The following SATB1 variants were observed in gnomAD, a reference collection of about 807,000 sequenced individuals.
The protein encoded by SATB1 is DNA-binding protein SATB1.
SATB1 carries 11 observed loss-of-function variants against 86.9 expected under a neutral mutation model. The ratio of observed to expected loss-of-function variants is 0.13; its 90% CI spans 0.08 to 0.21. The LOEUF is 0.21. Ranked by LOEUF, SATB1 falls within the 10% of genes least tolerant of loss-of-function variation. The pLI is 1.00. For missense variants in SATB1, 551 were observed against 937.6 expected (o/e 0.59, Z 5.39); for synonymous variants, 357 against 357.2 (o/e 1.00, Z 0.01).
intron 1 of SATB1, chr3:18,421,237 A>AT: frequency 3.5e-6 from 1 of 287,528 alleles, no homozygotes; most frequent in Non-Finnish European, 6.4e-6. Flanking sequence ...TAACTGGCCT[A>AT]TAAAAAAACT....
At chr3:18,399,186 T>G (rs1697118011) in intron 5 of SATB1, among the ~76,000 whole-genome samples, 1 of 152,144 alleles carries the variant, frequency 6.6e-6, no homozygotes, top group African/African-American at 2.4e-5. Context: ...TTTGCCGAGG[T>G]TTTTGACAAA....
chr3:18,352,257 A>G lies in SATB1; in HGVS notation c.1576-62T>C, dbSNP rs1437187423. The G allele has an allele frequency of 1.4e-6, 2 of 1,458,596 alleles. No homozygotes were observed. Among genetic ancestry groups the G allele is most frequent in the Non-Finnish European group, 1.9e-6 (2 of 1,046,556 alleles). 90.4% of individuals were successfully genotyped at this position (1,458,596 alleles called of 1,614,324 possible). On this transcript the variant is annotated intron_variant, in intron 9 of 10. Transcript: ENST00000338745. The surrounding 1 kb of genome is among the most constrained non-coding windows in gnomAD (Gnocchi z 4.1). ...ATGAGAGGGGCTGGCATTTTCCATT[A>G]GGAGCTAAAAAGGAAAAACCCTATG...
chr3:18,381,932 T>C (rs891043634), intron 8 of SATB1, among the ~76,000 whole-genome samples: 2 of 152,180 alleles, frequency 1.3e-5, no homozygotes, highest in African/African-American at 2.4e-5. Context: ...ATTTTCCAAA[T>C]CTAGCCTTTA....
chr3:18,376,273 C>CA (rs36059164), intron 9 of SATB1, among the ~76,000 whole-genome samples: 91,441 of 143,446 alleles, frequency 0.64, 28,216 homozygotes, highest in East Asian at 0.93. Flanking sequence ...AAAATGATGG[C>CA]GGGGGTGGGG....
chr3:18,366,703 C>T (rs1695204589), intron 9 of SATB1, among the ~76,000 whole-genome samples: 1 of 152,128 alleles, frequency 6.6e-6, no homozygotes. Context: ...AGTTCCCAGT[C>T]ATCTATCAAC....
chr3:18,444,126 T>G lies in SATB1; in HGVS notation c.-25+1392A>C, dbSNP rs1026183985. Among the ~76,000 whole-genome samples the G allele has an allele frequency of 2.0e-5, 3 of 151,928 alleles. No individual in the cohort carries two copies. Among genetic ancestry groups the G allele is most frequent in the Non-Finnish European group, 4.4e-5 (3 of 67,964 alleles). Reference sequence around the variant, plus strand: ...GATGCTGAGCAGACTCGCGATCCGGTGGGGGAACATTACCACTCCCGCAGC... The same window carrying G: ...GATGCTGAGCAGACTCGCGATCCGGGGGGGGAACATTACCACTCCCGCAGC... On this transcript the variant is annotated intron_variant, in intron 1 of 3. Coordinates refer to the SATB1 transcript ENST00000415069. This position sits in a 1 kb window ranked among gnomAD's most constrained non-coding sequence, Gnocchi z 5.1.
intron 2 of SATB1, chr3:18,417,647 T>TAAG: frequency 1.4e-6 from 1 of 698,484 alleles, no homozygotes; most frequent in Non-Finnish European, 2.6e-6. Flanking sequence ...CTCTAACTGG[T>TAAG]TCCACAAAAA....
intron 2 of SATB1, among the ~76,000 whole-genome samples, chr3:18,418,097 A>T (rs901085623): frequency 6.6e-6 from 1 of 152,166 alleles, no homozygotes; most frequent in Non-Finnish European, 1.5e-5. Context: ...TACTGTGGCA[A>T]ACTGCCAGAA....
chr3:18,403,792 TGTA>T (rs1414696023), intron 5 of SATB1, among the ~76,000 whole-genome samples: 1 of 152,134 alleles, frequency 6.6e-6, no homozygotes, highest in Non-Finnish European at 1.5e-5. Context: ...AGCACCTTTT[TGTA>T]GTTTTCAATA....
At chr3:18,415,735 C>G (rs1698074634) in intron 4 of SATB1, among the ~76,000 whole-genome samples, 1 of 151,942 alleles carries the variant, frequency 6.6e-6, no homozygotes, top group Admixed American at 6.6e-5. Flanking sequence ...TCTTGTGATG[C>G]ATTATTTAAT....
intron 4 of SATB1, among the ~76,000 whole-genome samples, chr3:18,415,478 T>C (rs1193731643): frequency 6.6e-6 from 1 of 152,130 alleles, no homozygotes; most frequent in Non-Finnish European, 1.5e-5. Flanking sequence ...CTTCCTGCTC[T>C]GATGCGCTTG....
rs398062130 is a variant in SATB1, at chr3:18,348,735, C to CT, written c.*434dup. ...AATAGAGTAACAAACTCTTTTTTTT[C>CT]TTTTTTTTTTTTAAATAAGGGGCAA... is the stretch of plus-strand genomic sequence containing the variant. On this transcript the variant is annotated 3_prime_UTR_variant, in exon 11 of 11. Transcript: ENST00000338745. The CT allele has an allele frequency of 0.016, 2,276 of 146,760 alleles. 59 individuals carry two copies. Among genetic ancestry groups the CT allele is most frequent in the African/African-American group, 0.052 (1,999 of 38,670 alleles). The allele number at this position is 146,760 out of a possible 1,614,324, so 9.1% of individuals were successfully genotyped here. A position where few individuals can be genotyped will look rare whatever the true frequency, so the allele number is the denominator to read the frequency against.
intron 9 of SATB1, among the ~76,000 whole-genome samples, chr3:18,363,596 G>A (rs113987059): frequency 0.026 from 3,922 of 152,154 alleles, 173 homozygotes; most frequent in African/African-American, 0.088. Flanking sequence ...CCATCCTTGT[G>A]AGCCCACTCC....
chr3:18,440,138 T>G (rs1459010532), upstream of SATB1, among the ~76,000 whole-genome samples: 2 of 152,230 alleles, frequency 1.3e-5, no homozygotes, highest in Non-Finnish European at 2.9e-5. Flanking sequence ...TTTGGAACTT[T>G]GTAGAAAGTT....
At chr3:18,354,842 G>A (rs1157741669) in intron 9 of SATB1, among the ~76,000 whole-genome samples, 2 of 152,120 alleles carry the variant, frequency 1.3e-5, no homozygotes, top group East Asian at 1.9e-4. Flanking sequence ...TTCAGAAAAA[G>A]AGCCCCGACT....
chr3:18,350,900 T>A (rs568384155), intron 10 of SATB1: 55 of 243,684 alleles, frequency 2.3e-4, no homozygotes, highest in African/African-American at 1.2e-3. Flanking sequence ...TACAAAAAAA[T>A]TGCAGAATGT....
At chr3:18,417,437 C>T (rs1026867329) in intron 2 of SATB1, 2 of 584,860 alleles carry the variant, frequency 3.4e-6, no homozygotes, top group Non-Finnish European at 6.0e-6. Context: ...GAGTAGTATA[C>T]AGTATGCAAA....
intron 2 of SATB1, chr3:18,435,294 C>T (rs1331456089): frequency 2.0e-5 from 3 of 151,998 alleles, no homozygotes; most frequent in Non-Finnish European, 4.4e-5. Flanking sequence ...AATGTGTCAA[C>T]AATAAACAAG....
rs1698276483 is a variant in SATB1 at position 18,419,374 on chromosome 3, T to C, written c.211+1383A>G. 2.6e-5 allele frequency among the ~76,000 whole-genome samples: 4 copies of C among 152,150 alleles called. No individual in the cohort carries two copies. The South Asian group carries it at 8.3e-4, about 31-fold the overall frequency. On this transcript the variant is annotated intron_variant, in intron 2 of 10. Transcript: ENST00000338745. ...ACTGCTGAATGCTAAAAATACCACA[T>C]GATTTAAACCTGAAGGCAGTCTTAG...
Sources: allele counts gnomAD v4.1 joint callset (sites outside exome capture counted in the v4.1 genomes callset), GRCh38; gene constraint gnomAD v4.1.1; non-coding constraint Gnocchi (gnomAD v3.1); transcripts MANE v1.5; gene names NCBI Gene and HGNC (gene_info 2026-07-23, HGNC 2026-07-21).